CNTN3: variants seen among roughly 807,000 people sequenced by gnomAD.
CNTN3 encodes the protein contactin-3.
CNTN3 carries 60 observed loss-of-function variants against 119.1 expected under a neutral mutation model. The observed-to-expected ratio is 0.50, with a 90% confidence interval of 0.41 to 0.62. The LOEUF is 0.62. CNTN3 is among the 20% of genes least tolerant of loss of function. CNTN3 has a pLI of 0.00. For missense variants in CNTN3, 1,101 were observed against 1,242.4 expected, an observed-to-expected ratio of 0.89 and a Z score of 1.71; for synonymous variants, 450 against 438.7, an observed-to-expected ratio of 1.03 and a Z score of -0.32.
At chr3:74,437,963 A>G (rs1009099559) in intron 4 of CNTN3, among the ~76,000 whole-genome samples, 1 of 152,216 alleles carries the variant, frequency 6.6e-6, no homozygotes, top group Admixed American at 6.5e-5. Context: ...AGACTATTAC[A>G]CAATATCATA....
At chr3:74,407,233 G>A (rs528667020) in intron 5 of CNTN3, among the ~76,000 whole-genome samples, 140 of 150,596 alleles carry the variant, frequency 9.3e-4, no homozygotes, top group Non-Finnish European at 1.6e-3. Context: ...ATATGAAGAT[G>A]TGGGTAAAGT....
chr3:74,569,976 C>G (rs1704283785), intron 1 of CNTN3, among the ~76,000 whole-genome samples: 1 of 152,118 alleles, frequency 6.6e-6, no homozygotes, highest in South Asian at 2.1e-4. Context: ...TTAGGTGGTT[C>G]ACAACAGGGA....
intron 1 of CNTN3, among the ~76,000 whole-genome samples, chr3:74,591,216 A>G (rs1426247878): frequency 6.6e-6 from 1 of 151,884 alleles, no homozygotes; most frequent in East Asian, 1.9e-4. Context: ...TTTGTTACAT[A>G]TTCTATTTAT....
intron 1 of CNTN3, among the ~76,000 whole-genome samples, chr3:74,590,031 C>T (rs927814252): frequency 6.6e-6 from 1 of 150,928 alleles, no homozygotes; most frequent in Non-Finnish European, 1.5e-5. Flanking sequence ...ATGGGTGCAG[C>T]TCACCAGCAT....
chr3:74,334,555 T>C (rs1174441592), intron 13 of CNTN3, among the ~76,000 whole-genome samples, 180 bp downstream of exon 13: 2 of 152,236 alleles, frequency 1.3e-5, no homozygotes, highest in African/African-American at 2.4e-5. Flanking sequence ...AGTAAATGTG[T>C]TCAATTTCTG....
At chr3:74,315,844 A>G (rs1702819843) in intron 13 of CNTN3, among the ~76,000 whole-genome samples, 2 of 152,186 alleles carry the variant, frequency 1.3e-5, no homozygotes, top group Non-Finnish European at 2.9e-5. Context: ...GTAAGACATG[A>G]AACAATAAAA....
At chr3:74,485,309 A>C (rs754952440) in intron 4 of CNTN3, among the ~76,000 whole-genome samples, 1 of 152,098 alleles carries the variant, frequency 6.6e-6, no homozygotes, top group Admixed American at 6.6e-5. Flanking sequence ...AAATATATAC[A>C]AAGTACTTTA....
chr3:74,575,918 G>A (rs1203295764), intron 1 of CNTN3, among the ~76,000 whole-genome samples: 1 of 151,972 alleles, frequency 6.6e-6, no homozygotes, highest in Admixed American at 6.6e-5. Context: ...ATATGCCCAG[G>A]TGGGTAAAGG....
intron 1 of CNTN3, among the ~76,000 whole-genome samples, chr3:74,558,592 T>C (rs1032506156): frequency 7.9e-5 from 12 of 152,292 alleles, no homozygotes; most frequent in South Asian, 6.2e-4. Context: ...AACCTGAATT[T>C]GAGTCCTTGA....
chr3:74,468,090 G>A (rs1559618529), intron 4 of CNTN3, among the ~76,000 whole-genome samples: 1 of 152,100 alleles, frequency 6.6e-6, no homozygotes, highest in Non-Finnish European at 1.5e-5. Context: ...CTGGGATACT[G>A]GACTCCAATA....
At chr3:74,558,982 CAATAAT>C (rs60508507) in intron 1 of CNTN3, among the ~76,000 whole-genome samples, 3 of 143,114 alleles carry the variant, frequency 2.1e-5, no homozygotes, top group South Asian at 2.3e-4. Context: ...GACCCTGTCT[CAATAAT>C]AATAATAATA....
chr3:74,366,658 C>T (rs565077197), intron 8 of CNTN3, among the ~76,000 whole-genome samples: 1 of 151,236 alleles, frequency 6.6e-6, no homozygotes, highest in African/African-American at 2.4e-5. Context: ...ATTTCTAGCT[C>T]ATAAAATTAC....
chr3:74,449,631 G>A (rs1702111011), intron 4 of CNTN3, among the ~76,000 whole-genome samples: 1 of 152,096 alleles, frequency 6.6e-6, no homozygotes, highest in Non-Finnish European at 1.5e-5. Flanking sequence ...TTTTGAAACT[G>A]CAGAAAGCGG....
At chr3:74,557,492 T>C in intron 1 of CNTN3, among the ~76,000 whole-genome samples, 1 of 152,142 alleles carries the variant, frequency 6.6e-6, no homozygotes, top group East Asian at 1.9e-4. Flanking sequence ...TATAGTGCTG[T>C]GTCTTCAACA....
chr3:74,566,114 AGGCTCAGGTAT>A (rs1157222017), intron 1 of CNTN3, among the ~76,000 whole-genome samples: 1 of 152,172 alleles, frequency 6.6e-6, no homozygotes, highest in Non-Finnish European at 1.5e-5. Context: ...TAAACTACCC[AGGCTCAGGTAT>A]GGCTTTATGA....
At chr3:74,392,366 T>C (rs1485302387) in intron 5 of CNTN3, among the ~76,000 whole-genome samples, 1 of 152,190 alleles carries the variant, frequency 6.6e-6, no homozygotes, top group Non-Finnish European at 1.5e-5. Flanking sequence ...TCTTCTTTAC[T>C]TTTGTCTTTC....
intron 13 of CNTN3, among the ~76,000 whole-genome samples, chr3:74,307,380 A>G (rs1369846773): frequency 6.6e-6 from 1 of 152,184 alleles, no homozygotes; most frequent in Admixed American, 6.5e-5. Context: ...ATCTAATCAC[A>G]CAGGTTTGTC....
intron 4 of CNTN3, among the ~76,000 whole-genome samples, chr3:74,448,736 T>C (rs1304322552): frequency 2.6e-5 from 4 of 152,160 alleles, no homozygotes; most frequent in Non-Finnish European, 5.9e-5. Flanking sequence ...AAAGGTCTTT[T>C]ATGGCTATGT....
chr3:74,403,488 C>T (rs1311122105), intron 5 of CNTN3, among the ~76,000 whole-genome samples: 4 of 152,154 alleles, frequency 2.6e-5, no homozygotes, highest in Non-Finnish European at 5.9e-5. Context: ...GACCCAGAAA[C>T]TTCAGTTCAG....
Sources: gnomAD v4.1 joint callset for allele counts (sites outside exome capture counted in the v4.1 genomes callset) on GRCh38, gnomAD v4.1.1 for gene constraint, MANE v1.5 for transcripts, NCBI Gene and HGNC (gene_info 2026-07-23, HGNC 2026-07-21) for gene names.